Variants in PCDHA8 observed in about 807,000 individuals in gnomAD.
The protein encoded by PCDHA8 is protocadherin alpha 8, also known as protocadherin alpha-8.
A neutral mutation model predicts 61.8 loss-of-function variants in PCDHA8; 53 were observed. That is an observed-to-expected ratio of 0.86 (90% CI 0.69 to 1.08). PCDHA8 has a LOEUF of 1.08. Among genes scored for constraint, PCDHA8 ranks in the 50% least tolerant of loss-of-function variants. The pLI is 0.00. For missense variants in PCDHA8, 1,293 were observed against 1,245.0 expected, an observed-to-expected ratio of 1.04 and a Z score of -0.58; for synonymous variants, 618 against 556.6, an observed-to-expected ratio of 1.11 and a Z score of -1.55.
Position 140,850,690 on chromosome 5 carries a change from G to T in PCDHA8, c.2394+6975G>T, listed in dbSNP as rs2150494322. On this transcript the variant is annotated intron_variant, in intron 1 of 3. Transcript: ENST00000531613. ...TCGGCGATGCCCACCGAGGGCGAGT[G>T]CGCGCCTGGCAAGCCGACGCTGGTG... 3.1e-6 allele frequency: 5 copies of T among 1,598,402 alleles called. 1 individual carries two copies. In the South Asian group the frequency reaches 5.5e-5, roughly 18 times the overall value.
chr5:140,962,569 T>A (rs782016565), intron 1 of PCDHA8, among the ~76,000 whole-genome samples: 17 of 152,194 alleles, frequency 1.1e-4, no homozygotes, highest in African/African-American at 1.7e-4. Context: ...TAAAAGCCAA[T>A]TGTTAATGCC....
Position 140,881,379 on chromosome 5 carries a change from C to T in PCDHA8, c.2394+37664C>T, listed in dbSNP as rs1235654163. ...TGGCTTTCGTATGAATTGCAGCCGG[C>T]GGCGGTAAGTTAAATTCTATTAAAT... On this transcript the variant is annotated intron_variant, in intron 1 of 3. Transcript: ENST00000531613. The T allele has an allele frequency of 7.1e-6, 7 of 984,332 alleles. No individual in the cohort carries two copies. In the African/African-American group the frequency reaches 1.0e-4, roughly 15 times the overall value. 61.0% of individuals were successfully genotyped at this position (984,332 alleles called of 1,614,324 possible).
intron 1 of PCDHA8, among the ~76,000 whole-genome samples, chr5:140,954,779 G>T (rs2095086497): frequency 6.6e-6 from 1 of 152,108 alleles, no homozygotes; most frequent in Non-Finnish European, 1.5e-5. Flanking sequence ...AATTTAATTA[G>T]ATCTCATTTG....
rs376556447 is a variant in PCDHA8 at position 140,885,103 on chromosome 5, CT to C, written c.2394+41395del. On this transcript the variant is annotated intron_variant, in intron 1 of 3. Transcript: ENST00000531613. The stretch of plus-strand genomic sequence containing the variant: ...AGCCCCATAACTTTTCACATAAATG[CT>C]TTTTTTAAGTGCACTTTTCTTTCTT... Among the ~76,000 whole-genome samples the C allele has an allele frequency of 4.5e-3, 686 of 152,136 alleles. 2 individuals are homozygous for C. Among genetic ancestry groups the C allele is most frequent in the African/African-American group, 0.016 (664 of 41,518 alleles).
intron 1 of PCDHA8, chr5:140,883,287 T>A: frequency 6.2e-7 from 1 of 1,613,984 alleles, no homozygotes; most frequent in Non-Finnish European, 8.5e-7. Context: ...TTGGTGGAAG[T>A]ACTAGATGTA....
chr5:140,869,633 A>G (rs376162708), intron 1 of PCDHA8: 3 of 1,613,612 alleles, frequency 1.9e-6, no homozygotes, highest in Non-Finnish European at 2.5e-6. Context: ...AAAAATGAGT[A>G]TTTTTCTTTA....
chr5:140,970,881 C>T (rs1316692542), intron 1 of PCDHA8, among the ~76,000 whole-genome samples: 1 of 152,050 alleles, frequency 6.6e-6, no homozygotes, highest in Non-Finnish European at 1.5e-5. Flanking sequence ...GTAGATTTTT[C>T]TCATGGACAT....
chr5:140,851,277 A>C (rs1190417685), intron 1 of PCDHA8: 1 of 1,055,236 alleles, frequency 9.5e-7, no homozygotes, highest in East Asian at 4.9e-5. Flanking sequence ...TGTATTGTTT[A>C]TAAGAAACCC....
rs1220718510 is a variant in PCDHA8, at chr5:140,898,104, A to T, written c.2394+54389A>T. 2.0e-5 allele frequency among the ~76,000 whole-genome samples: 3 copies of T among 152,110 alleles called. No individual in the cohort carries two copies. In the South Asian group the frequency reaches 6.2e-4, roughly 32 times the overall value. On this transcript the variant is annotated intron_variant, in intron 1 of 3. Coordinates refer to ENST00000531613, the MANE Select transcript of PCDHA8 (RefSeq NM_018911.3). Reference sequence around the variant, plus strand: ...CTGGATATTAGCCCTTTGTCAGATGAGTAGGTTGCGAAAATTTTCTCCCAT... The same window carrying T: ...CTGGATATTAGCCCTTTGTCAGATGTGTAGGTTGCGAAAATTTTCTCCCAT...
intron 1 of PCDHA8, chr5:140,858,271 C>A: frequency 6.3e-7 from 1 of 1,597,124 alleles, no homozygotes. Flanking sequence ...TGTGCTCTAG[C>A]GCGGTGGGGA....
At chr5:140,846,108 T>C (rs1420527870) in intron 1 of PCDHA8, among the ~76,000 whole-genome samples, 1 of 149,756 alleles carries the variant, frequency 6.7e-6, no homozygotes, top group African/African-American at 2.4e-5. Context: ...ATGTGTAGAC[T>C]ATCTTACTTT....
At chr5:140,941,901 GA>G (rs782298792) in intron 1 of PCDHA8, among the ~76,000 whole-genome samples, 1 of 152,130 alleles carries the variant, frequency 6.6e-6, no homozygotes, top group African/African-American at 2.4e-5. Context: ...AAGTAACATT[GA>G]AATGCTTTTA....
intron 3 of PCDHA8, among the ~76,000 whole-genome samples, chr5:140,999,739 T>C (rs2097873545): frequency 6.6e-6 from 1 of 152,196 alleles, no homozygotes; most frequent in Admixed American, 6.5e-5. Flanking sequence ...AATGTTTGAA[T>C]CTGGGTTCGC....
At chr5:140,924,812 T>G (rs947021976) in intron 1 of PCDHA8, among the ~76,000 whole-genome samples, 2 of 151,424 alleles carry the variant, frequency 1.3e-5, no homozygotes, top group African/African-American at 4.9e-5. Flanking sequence ...AGAGAATCGC[T>G]TGAACCTGGG....
chr5:140,969,260 C>T (rs782595245), intron 1 of PCDHA8: 11 of 1,614,110 alleles, frequency 6.8e-6, no homozygotes, highest in Non-Finnish European at 6.8e-6. Flanking sequence ...CAGCAGGAAT[C>T]TCACAGGCCA....
intron 1 of PCDHA8, chr5:140,868,880 A>G (rs1384235072): frequency 1.4e-6 from 1 of 698,244 alleles, no homozygotes; most frequent in Non-Finnish European, 2.3e-6. Flanking sequence ...CAGTACTCAC[A>G]GTTTTAGGCG....
chr5:140,905,580 T>C (rs2071928885), intron 1 of PCDHA8, among the ~76,000 whole-genome samples: 1 of 152,168 alleles, frequency 6.6e-6, no homozygotes, highest in Non-Finnish European at 1.5e-5. Flanking sequence ...AGAATGATAA[T>C]GATATTTTGC....
intron 1 of PCDHA8, among the ~76,000 whole-genome samples, chr5:140,845,265 T>C (rs1779776321): frequency 6.7e-6 from 1 of 149,658 alleles, no homozygotes; most frequent in African/African-American, 2.4e-5. Flanking sequence ...GTGTTTTCCT[T>C]TGTGAAAGTA....
intron 3 of PCDHA8, among the ~76,000 whole-genome samples, chr5:140,986,055 T>C (rs2097185833): frequency 6.6e-6 from 1 of 152,164 alleles, no homozygotes; most frequent in African/African-American, 2.4e-5. Context: ...ATGAATTCTT[T>C]TGCTTTTTAA....
Sources: allele counts gnomAD v4.1 joint callset (sites outside exome capture counted in the v4.1 genomes callset), GRCh38; gene constraint gnomAD v4.1.1; transcripts MANE v1.5; gene names NCBI Gene and HGNC (gene_info 2026-07-23, HGNC 2026-07-21).